The following MAPK4 variants were observed in gnomAD, a reference collection of about 807,000 sequenced individuals.
MAPK4 encodes the protein Erk3-related.
A neutral mutation model predicts 47.7 loss-of-function variants in MAPK4; 22 were observed. That is an observed-to-expected ratio of 0.46 (90% CI 0.33 to 0.66). MAPK4 has a LOEUF of 0.66. Among genes scored for constraint, MAPK4 ranks in the 30% least tolerant of loss-of-function variants. MAPK4 has a pLI of 0.02. For synonymous variants in MAPK4, 390 were observed against 365.7 expected, an observed-to-expected ratio of 1.07 and a Z score of -0.76; for missense variants, 736 against 831.7, an observed-to-expected ratio of 0.88 and a Z score of 1.42.
intron 2 of MAPK4, among the ~76,000 whole-genome samples, chr18:50,709,120 C>T (rs1910216082): frequency 1.3e-5 from 2 of 152,166 alleles, no homozygotes; most frequent in African/African-American, 2.4e-5. Flanking sequence ...CCCACCCCTT[C>T]CATGTCCTCC....
chr18:50,656,967 C>A (rs1207500040), intron 1 of MAPK4, among the ~76,000 whole-genome samples: 1 of 152,192 alleles, frequency 6.6e-6, no homozygotes, highest in East Asian at 1.9e-4. Flanking sequence ...TCTCTCTTGG[C>A]AAGAAAGCTG....
intron 1 of MAPK4, among the ~76,000 whole-genome samples, chr18:50,653,936 A>C (rs6508023): frequency 0.036 from 5,521 of 152,278 alleles, 290 homozygotes; most frequent in African/African-American, 0.12. Flanking sequence ...ATGGGCTCCG[A>C]CTGAGTGCCA....
At chr18:50,570,349 G>A (rs533116762) in intron 1 of MAPK4, among the ~76,000 whole-genome samples, 1 of 152,302 alleles carries the variant, frequency 6.6e-6, no homozygotes, top group East Asian at 1.9e-4. Flanking sequence ...GGCTGAGAAG[G>A]CAGTCACAGG....
In MAPK4 at chr18:50,663,472, T is replaced by G. The variant is rs991204818; in HGVS notation, c.-487T>G. The G allele has an allele frequency of 6.5e-6, 1 of 153,324 alleles. No homozygotes were observed. Among genetic ancestry groups the G allele is most frequent in the Non-Finnish European group, 1.5e-5 (1 of 68,872 alleles). The allele number at this position is 153,324 out of a possible 1,614,324, so 9.5% of individuals were successfully genotyped here. On this transcript the variant is annotated 5_prime_UTR_variant, in exon 2 of 6. Transcript: ENST00000400384. ...GAAAGAGGCTGTGACACAGCTGAGC[T>G]TTGGAGCATCTTAAGGAGCTCAGCT...
chr18:50,599,487 C>T (rs1409564871), intron 1 of MAPK4, among the ~76,000 whole-genome samples: 1 of 152,146 alleles, frequency 6.6e-6, no homozygotes, highest in African/African-American at 2.4e-5. Flanking sequence ...GGTACAATCT[C>T]GGCTCACTGC....
At chr18:50,605,922 C>T (rs935609159) in intron 1 of MAPK4, among the ~76,000 whole-genome samples, 6 of 152,124 alleles carry the variant, frequency 3.9e-5, no homozygotes, top group South Asian at 2.1e-4. Context: ...AGATCACGAA[C>T]TCAAAGGGGA....
At chr18:50,688,459 T>G (rs1909012305) in intron 2 of MAPK4, among the ~76,000 whole-genome samples, 1 of 152,202 alleles carries the variant, frequency 6.6e-6, no homozygotes, top group Non-Finnish European at 1.5e-5. Context: ...AGTTAACCTC[T>G]CATGAAAGTA....
At chr18:50,634,932 G>T (rs1178203173) in intron 1 of MAPK4, among the ~76,000 whole-genome samples, 1 of 152,126 alleles carries the variant, frequency 6.6e-6, no homozygotes, top group Non-Finnish European at 1.5e-5. Context: ...AGAATCAGCG[G>T]GGTTGTTCTT....
At position 50,721,975 on chromosome 18, in the gene MAPK4, G is replaced by T. The variant is rs1459157933; in HGVS notation, c.729G>T (p.Glu243Asp). The part of the protein sequence containing the change: ...HELEQMQLIL[E>D]TIPVIREEDK... Reference sequence around the variant, plus strand: ...TGGAGCAGATGCAACTCATCCTGGAGACCATCCCTGTAATCCGGGAGGAAG... The same window carrying T: ...TGGAGCAGATGCAACTCATCCTGGATACCATCCCTGTAATCCGGGAGGAAG... Residue 243 changes from glutamate to aspartate, a missense_variant, in exon 4 of 6, where the codon GAG (glutamate) becomes GAT (aspartate). Physicochemically the swap from Glu to Asp is conservative, Grantham distance 45. Transcript: ENST00000400384. The T allele has an allele frequency of 3.1e-6, 5 of 1,614,134 alleles. No homozygotes were observed. The South Asian group carries it at 5.5e-5, about 18-fold the overall frequency.
At chr18:50,641,991 A>T (rs2042945165) in intron 1 of MAPK4, among the ~76,000 whole-genome samples, 1 of 152,234 alleles carries the variant, frequency 6.6e-6, no homozygotes, top group Admixed American at 6.5e-5. Context: ...TAGACCTGAC[A>T]TTCTATATAA....
intron 1 of MAPK4, among the ~76,000 whole-genome samples, chr18:50,631,917 C>A (rs2042833992): frequency 6.6e-6 from 1 of 152,204 alleles, no homozygotes; most frequent in South Asian, 2.1e-4. Context: ...AGAGTGCCTC[C>A]TGCCTCAGGG....
At chr18:50,689,212 A>G (rs1356318576) in intron 2 of MAPK4, among the ~76,000 whole-genome samples, 5 of 147,362 alleles carry the variant, frequency 3.4e-5, no homozygotes. Flanking sequence ...CCTGGCCAAC[A>G]TGGCGAAACC....
intron 1 of MAPK4, among the ~76,000 whole-genome samples, chr18:50,633,426 T>C (rs997286584): frequency 2.0e-5 from 3 of 152,216 alleles, no homozygotes; most frequent in Admixed American, 6.5e-5. Flanking sequence ...TCCCACATCC[T>C]GTAGCAGTGC....
At chr18:50,599,717 C>T (rs750213425) in intron 1 of MAPK4, among the ~76,000 whole-genome samples, 2 of 152,042 alleles carry the variant, frequency 1.3e-5, no homozygotes, top group African/African-American at 2.4e-5. Context: ...CTGTGCCTGG[C>T]CTGCTTTTAT....
chr18:50,708,537 C>T (rs183702300), intron 2 of MAPK4, among the ~76,000 whole-genome samples: 99 of 152,272 alleles, frequency 6.5e-4, no homozygotes, highest in Middle Eastern at 3.4e-3. Context: ...ATGGAATCTG[C>T]GCTTAACCAG....
chr18:50,707,142 T>A (rs2144404501), intron 2 of MAPK4, among the ~76,000 whole-genome samples: 1 of 152,318 alleles, frequency 6.6e-6, no homozygotes, highest in East Asian at 1.9e-4. Flanking sequence ...TGTATGATTC[T>A]GCTTCTGTGA....
At chr18:50,652,688 T>C (rs2043063568) in intron 1 of MAPK4, among the ~76,000 whole-genome samples, 1 of 152,182 alleles carries the variant, frequency 6.6e-6, no homozygotes. Context: ...AATAGAGCGA[T>C]GCACATGATG....
chr18:50,637,137 CTT>C (rs1228842450), intron 1 of MAPK4, among the ~76,000 whole-genome samples: 1 of 152,140 alleles, frequency 6.6e-6, no homozygotes, highest in African/African-American at 2.4e-5. Flanking sequence ...ACTTCACTGA[CTT>C]TGCAAAATGA....
chr18:50,642,768 A>G (rs928449112), intron 1 of MAPK4, among the ~76,000 whole-genome samples: 1 of 152,236 alleles, frequency 6.6e-6, no homozygotes, highest in African/African-American at 2.4e-5. Context: ...AGGAACTGCC[A>G]TTCTATCCAG....
Sources: allele counts gnomAD v4.1 joint callset (sites outside exome capture counted in the v4.1 genomes callset), GRCh38; gene constraint gnomAD v4.1.1; transcripts MANE v1.5; gene names NCBI Gene and HGNC (gene_info 2026-07-23, HGNC 2026-07-21).